Variants in CEMIP2 observed in about 807,000 individuals in gnomAD.
The protein encoded by CEMIP2 is cell surface hyaluronidase CEMIP2.
In CEMIP2, 79 loss-of-function variants were observed where a neutral mutation model predicts 146.9. The observed-to-expected ratio is 0.54, with a 90% CI of 0.45 to 0.65. CEMIP2 has a LOEUF of 0.65. CEMIP2 is among the 30% of genes least tolerant of loss of function. The probability of loss-of-function intolerance (pLI) is 0.00; values close to 1 mark genes in which losing one functional copy is unlikely to be tolerated. For missense variants in CEMIP2, 1,596 were observed against 1,696.2 expected (o/e 0.94, Z 1.04); for synonymous variants, 601 against 606.3 (o/e 0.99, Z 0.13).
chr9:71,722,345 G>T, intron 12 of CEMIP2, 82 bp downstream of exon 12: 1 of 1,073,292 alleles, frequency 9.3e-7, no homozygotes, highest in Non-Finnish European at 1.4e-6. Context: ...TATTACCACA[G>T]AAAGAGCACA....
intron 3 of CEMIP2, 110 bp downstream of exon 3, chr9:71,746,091 C>T (rs576336104): frequency 7.2e-6 from 9 of 1,257,534 alleles, no homozygotes; most frequent in Non-Finnish European, 8.7e-6. Flanking sequence ...AGTGACACCA[C>T]AAACTAAAGC....
intron 21 of CEMIP2, among the ~76,000 whole-genome samples, chr9:71,692,919 A>ACAACAAC (rs1563993594): frequency 1.1e-4 from 5 of 47,168 alleles, no homozygotes; most frequent in African/African-American, 9.6e-4. Flanking sequence ...ACAAACAAAC[A>ACAACAAC]AACGACAACA....
In CEMIP2 at chr9:71,749,886, A is replaced by G. The variant is rs912523962; in HGVS notation, c.331+157T>C. The G allele has an allele frequency of 4.9e-6, 3 of 610,250 alleles. No homozygotes were observed. The African/African-American group carries it at 5.6e-5, about 11-fold the overall frequency. 37.8% of individuals were successfully genotyped at this position (610,250 alleles called of 1,614,324 possible). On this transcript the variant is annotated intron_variant, in intron 2 of 23. Transcript: ENST00000377044. The stretch of plus-strand genomic sequence containing the variant: ...TTAATCATTTCCAACAGATTATTGA[A>G]CAATTGCTCTCATTCATAAGAAGTG...
intron 10 of CEMIP2, among the ~76,000 whole-genome samples, chr9:71,729,573 G>T (rs989304065): frequency 6.6e-6 from 1 of 151,146 alleles, no homozygotes; most frequent in Non-Finnish European, 1.5e-5. Flanking sequence ...GACCAAGATC[G>T]CGCCACTGCA....
intron 1 of CEMIP2, among the ~76,000 whole-genome samples, chr9:71,754,347 C>T (rs899022932): frequency 1.3e-5 from 2 of 152,094 alleles, no homozygotes; most frequent in Non-Finnish European, 2.9e-5. Context: ...TGTTTGGGGT[C>T]CTGAGAACAA....
chr9:71,692,073 C>T (rs2131856630), intron 21 of CEMIP2, among the ~76,000 whole-genome samples: 1 of 148,768 alleles, frequency 6.7e-6, no homozygotes, highest in Non-Finnish European at 1.5e-5. Context: ...CAAGCCACTG[C>T]ACTTCAGCTT....
intron 11 of CEMIP2, among the ~76,000 whole-genome samples, chr9:71,724,289 G>A (rs1447210349): frequency 2.0e-5 from 3 of 150,478 alleles, no homozygotes; most frequent in Non-Finnish European, 4.4e-5. Context: ...GCAAGACTCT[G>A]TCTCAAAAAA....
chr9:71,747,129 A>G (rs929937914), intron 2 of CEMIP2, among the ~76,000 whole-genome samples: 7 of 152,256 alleles, frequency 4.6e-5, no homozygotes, highest in Admixed American at 2.0e-4. Flanking sequence ...TATTTAATGT[A>G]TGAAAACTTT....
intron 20 of CEMIP2, chr9:71,697,708 A>T (rs535920517): frequency 2.3e-4 from 76 of 336,404 alleles, no homozygotes; most frequent in African/African-American, 1.3e-3. Flanking sequence ...AAAGAAAAAA[A>T]ATGAGGACCA....
chr9:71,728,628 C>T (rs572157617), intron 10 of CEMIP2, among the ~76,000 whole-genome samples: 66 of 151,994 alleles, frequency 4.3e-4, no homozygotes, highest in Non-Finnish European at 3.4e-4. Context: ...AAAAATTATT[C>T]TCATGTGTGT....
chr9:71,700,514 T>C (rs1344553732), intron 19 of CEMIP2, 128 bp downstream of exon 19: 1 of 920,426 alleles, frequency 1.1e-6, no homozygotes, highest in African/African-American at 2.0e-5. Context: ...AAACCTCTAA[T>C]AGAGAAGATG....
chr9:71,735,134 G>A (rs1823728465), intron 5 of CEMIP2, 140 bp from the exon 6 acceptor site: 3 of 923,598 alleles, frequency 3.2e-6, no homozygotes, highest in Middle Eastern at 3.1e-4. Context: ...ATGCTACCAT[G>A]TATTAGTCAC....
At position 71,685,347 on chromosome 9, in the gene CEMIP2, C is replaced by G. The variant is rs773845283; in HGVS notation, c.4002G>C (p.Trp1334Cys). The G allele has an allele frequency of 6.3e-7, 1 of 1,592,458 alleles. No individual in the cohort carries two copies. The highest frequency in any genetic ancestry group is 1.1e-5 in the South Asian group (1 of 87,754). ...CAGCAGGACTGGTAAATAGCTTAGT[C>G]CATGATGGTTTAAAGTTTCCACTGA... ...LGFSGNFKPSWTKLFTSPAGQ... is the reference protein window; with the variant it reads ...LGFSGNFKPSCTKLFTSPAGQ... Residue 1334 changes from tryptophan to cysteine, a missense_variant, in exon 24 of 24, where the codon TGG becomes TGC. Trp to Cys is a radical substitution (Grantham distance 215). Transcript: ENST00000377044.
chr9:71,732,458 C>T lies in CEMIP2; in HGVS notation c.1456G>A (p.Gly486Arg). 6.2e-7 allele frequency: 1 copy of T among 1,613,978 alleles called. No individual in the cohort carries two copies. Among genetic ancestry groups the T allele is most frequent in the South Asian group, 1.1e-5 (1 of 91,066 alleles). Residue 486 changes from glycine to arginine, a missense_variant, in exon 7 of 24, where the codon GGA (glycine) becomes AGA (arginine). Physicochemically the swap from Gly to Arg is moderately radical, Grantham distance 125 (BLOSUM62 -2). Transcript: ENST00000377044. ...ATCACAATATTCCGGGTAAGAATTCCAACCTCAGCTCTCATGTCTACACCG... is the reference window on the plus strand; with the variant it reads ...ATCACAATATTCCGGGTAAGAATTCTAACCTCAGCTCTCATGTCTACACCG... Reference protein sequence around the residue: ...IDGVDMRAEVGILTRNIVIQG... With the variant: ...IDGVDMRAEVRILTRNIVIQG...
chr9:71,710,929 G>T (rs924828690), intron 16 of CEMIP2, among the ~76,000 whole-genome samples: 1 of 152,196 alleles, frequency 6.6e-6, no homozygotes, highest in Non-Finnish European at 1.5e-5. Flanking sequence ...CATAGACTTT[G>T]ATAAACCTAT....
At chr9:71,701,273 T>G (rs1243536048) in intron 18 of CEMIP2, among the ~76,000 whole-genome samples, 1 of 152,100 alleles carries the variant, frequency 6.6e-6, no homozygotes, top group African/African-American at 2.4e-5. Flanking sequence ...GCACGGCTAA[T>G]TTTTGTACTT....
chr9:71,760,724 T>C (rs1384971254), intron 1 of CEMIP2, among the ~76,000 whole-genome samples: 1 of 151,654 alleles, frequency 6.6e-6, no homozygotes, highest in Non-Finnish European at 1.5e-5. Context: ...TAACACTCTC[T>C]GAGCAACCAA....
At chr9:71,690,042 T>C (rs1472810405) in intron 22 of CEMIP2, 50 bp downstream of exon 22, 1 of 1,598,760 alleles carries the variant, frequency 6.3e-7, no homozygotes. Flanking sequence ...TTTGGAGCAC[T>C]CCACATCTTT....
rs1348611387 is a variant in CEMIP2, at chr9:71,746,349, C to T, written c.332-8G>A. 6.2e-7 allele frequency: 1 copy of T among 1,613,406 alleles called. No individual in the cohort carries two copies. The highest frequency in any genetic ancestry group is 2.2e-5 in the East Asian group (1 of 44,866). ...TTTGATCTGGGCAATTTTCTATAAACACATTGATATTCCATCCAACCCATT... is the reference window on the plus strand; with the variant it reads ...TTTGATCTGGGCAATTTTCTATAAATACATTGATATTCCATCCAACCCATT... On this transcript the variant is annotated splice_polypyrimidine_tract_variant and splice_region_variant and intron_variant, in intron 2 of 23. Coordinates refer to ENST00000377044, the MANE Select transcript of CEMIP2 (RefSeq NM_013390.3).
Sources: gnomAD v4.1 joint callset for allele counts (sites outside exome capture counted in the v4.1 genomes callset) on GRCh38, gnomAD v4.1.1 for gene constraint, MANE v1.5 for transcripts, NCBI Gene and HGNC (gene_info 2026-07-23, HGNC 2026-07-21) for gene names.